ANTXR1: variants seen among roughly 807,000 people sequenced by gnomAD.
ANTXR1 encodes the protein anthrax toxin receptor 1.
In ANTXR1, 19 loss-of-function variants were observed where a neutral mutation model predicts 78.1. The observed-to-expected ratio is 0.24, with a 90% CI of 0.17 to 0.36. ANTXR1 has a LOEUF of 0.36. Among genes scored for constraint, ANTXR1 ranks in the 10% least tolerant of loss-of-function variants. The pLI, the probability that ANTXR1 is intolerant of heterozygous loss-of-function variation, is 1.00. For missense variants in ANTXR1, 518 were observed against 718.6 expected (o/e 0.72, Z 3.19); for synonymous variants, 273 against 260.5 (o/e 1.05, Z -0.46).
intron 14 of ANTXR1, chr2:69,172,241 G>A: frequency 1.4e-6 from 1 of 724,102 alleles, no homozygotes; most frequent in South Asian, 1.7e-5. Flanking sequence ...GGAGACCTAG[G>A]CAATAAAAAT....
intron 13 of ANTXR1, among the ~76,000 whole-genome samples, chr2:69,158,430 C>T (rs1673587245): frequency 6.6e-6 from 1 of 152,224 alleles, no homozygotes; most frequent in South Asian, 2.1e-4. Context: ...GGATCAGCTG[C>T]TATCTCACTT....
chr2:69,039,474 T>A (rs1323066233), intron 1 of ANTXR1, among the ~76,000 whole-genome samples: 2 of 152,206 alleles, frequency 1.3e-5, no homozygotes, highest in African/African-American at 4.8e-5. Context: ...AAATTAGATT[T>A]CCTTAAGTGT....
chr2:69,107,633 A>C (rs892220794), intron 10 of ANTXR1, among the ~76,000 whole-genome samples: 4 of 152,234 alleles, frequency 2.6e-5, no homozygotes, highest in African/African-American at 7.2e-5. Context: ...ACAATATTTG[A>C]GATCAAGCTC....
chr2:69,046,230 T>A (rs776482317), intron 3 of ANTXR1, among the ~76,000 whole-genome samples: 8 of 152,092 alleles, frequency 5.3e-5, no homozygotes, highest in Admixed American at 2.0e-4. Flanking sequence ...TGCATAAGAG[T>A]TTGGCCAAGA....
chr2:69,190,030 A>G (rs561593809), intron 16 of ANTXR1, among the ~76,000 whole-genome samples: 3 of 152,278 alleles, frequency 2.0e-5, no homozygotes, highest in Admixed American at 6.5e-5. Context: ...AGACTAGATG[A>G]GAGCACTCAG....
At chr2:69,058,671 T>A (rs114803838) in intron 3 of ANTXR1, among the ~76,000 whole-genome samples, 5,716 of 152,268 alleles carry the variant, frequency 0.038, 131 homozygotes, top group Middle Eastern at 0.12. Context: ...CTGTAGCCCA[T>A]GGATCAGGGA....
chr2:69,101,141 G>A (rs1285134398), intron 9 of ANTXR1, among the ~76,000 whole-genome samples: 2 of 152,200 alleles, frequency 1.3e-5, no homozygotes, highest in African/African-American at 2.4e-5. Context: ...TGTGGCACAT[G>A]TAGTGTCTCT....
In ANTXR1 at chr2:69,193,456, C is replaced by G. The variant is rs745760583; in HGVS notation, c.1434+41C>G. ...TCATTAATGGTGTCTCTCTCTCTCT[C>G]TCTCACATACACACACACACACACA... On this transcript the variant is annotated intron_variant, in intron 17 of 17. Coordinates refer to ENST00000303714, the MANE Select transcript of ANTXR1 (RefSeq NM_032208.3). The G allele has an allele frequency of 1.2e-4, 156 of 1,306,436 alleles. 1 individual carries two copies. The South Asian group carries it at 1.9e-3, about 16-fold the overall frequency. The allele number at this position is 1,306,436 out of a possible 1,614,324, so 80.9% of individuals were successfully genotyped here. A position where few individuals can be genotyped will look rare whatever the true frequency, so the allele number is the denominator to read the frequency against.
At chr2:69,015,321 A>G (rs1378536712) in intron 1 of ANTXR1, among the ~76,000 whole-genome samples, 1 of 151,972 alleles carries the variant, frequency 6.6e-6, no homozygotes, top group Non-Finnish European at 1.5e-5. Flanking sequence ...TTGGAAAAGA[A>G]TAATGAAGCC....
chr2:69,149,168 A>G lies in ANTXR1; in HGVS notation c.952-3001A>G, dbSNP rs1242870484. Among the ~76,000 whole-genome samples the G allele has an allele frequency of 2.0e-5, 3 of 152,222 alleles. No homozygotes were observed. In the East Asian group the frequency reaches 5.8e-4, roughly 29 times the overall value. On this transcript the variant is annotated intron_variant, in intron 12 of 17. Transcript: ENST00000303714. The stretch of plus-strand genomic sequence containing the variant: ...CTTCAGAGGAGGATAAAGTTCCTCA[A>G]GAAGTGTCTGCCCCTGTGCATTTCC...
At chr2:69,204,118 C>G (rs1329576630) in intron 17 of ANTXR1, among the ~76,000 whole-genome samples, 1 of 152,160 alleles carries the variant, frequency 6.6e-6, no homozygotes, top group Non-Finnish European at 1.5e-5. Flanking sequence ...CGGGCCTGCT[C>G]CTCCAGCTGA....
chr2:69,166,341 C>T (rs1673827895), intron 13 of ANTXR1, among the ~76,000 whole-genome samples: 1 of 152,136 alleles, frequency 6.6e-6, no homozygotes, highest in African/African-American at 2.4e-5. Context: ...GATGCATCTC[C>T]CAACACACAG....
At chr2:69,032,524 C>A (rs1353018025) in intron 1 of ANTXR1, among the ~76,000 whole-genome samples, 1 of 152,130 alleles carries the variant, frequency 6.6e-6, no homozygotes, top group Non-Finnish European at 1.5e-5. Flanking sequence ...TTGACCCATC[C>A]CCCTTTGATC....
intron 13 of ANTXR1, among the ~76,000 whole-genome samples, chr2:69,167,252 T>G (rs1673852746): frequency 6.6e-6 from 1 of 152,206 alleles, no homozygotes; most frequent in Non-Finnish European, 1.5e-5. Flanking sequence ...TGGGAAGCCA[T>G]TAGCAGGGGT....
chr2:69,014,799 C>G (rs967670912), intron 1 of ANTXR1, among the ~76,000 whole-genome samples: 2 of 152,184 alleles, frequency 1.3e-5, no homozygotes, highest in Non-Finnish European at 2.9e-5. Context: ...ACCAAATGTG[C>G]TTTGCAGTTG....
chr2:69,172,996 CGGTTTT>C (rs1249537460), intron 14 of ANTXR1, among the ~76,000 whole-genome samples: 2 of 152,168 alleles, frequency 1.3e-5, no homozygotes, highest in African/African-American at 4.8e-5. Flanking sequence ...CTTCATGTGA[CGGTTTT>C]GTTCTGCATG....
intron 10 of ANTXR1, among the ~76,000 whole-genome samples, chr2:69,105,643 A>C (rs373511458): frequency 1.3e-5 from 2 of 152,246 alleles, no homozygotes; most frequent in African/African-American, 4.8e-5. Context: ...CCTGTAAAAT[A>C]AAATACACTT....
rs145528229 is a variant in ANTXR1, at chr2:69,096,404, G to A, written c.703+5485G>A. 1.7e-3 allele frequency among the ~76,000 whole-genome samples: 241 copies of A among 139,300 alleles called. 21 individuals are homozygous for A. The highest frequency in any genetic ancestry group is 6.3e-3 in the African/African-American group (226 of 35,894). 91.4% of individuals were successfully genotyped at this position (139,300 alleles called of 152,430 possible). A position where few individuals can be genotyped will look rare whatever the true frequency, so the allele number is the denominator to read the frequency against. On this transcript the variant is annotated intron_variant, in intron 9 of 17. Transcript: ENST00000303714. ...GGGAAGGAAGGAAGGAAGGAAGGAA[G>A]GAAATCAAAAAGAATTCCAATCACT...
intron 17 of ANTXR1, among the ~76,000 whole-genome samples, chr2:69,214,895 G>A (rs1465175198): frequency 2.6e-5 from 4 of 152,154 alleles, no homozygotes; most frequent in Non-Finnish European, 5.9e-5. Context: ...GTGTTTGCTT[G>A]TGGTGCTTTC....
Sources: allele counts gnomAD v4.1 joint callset (sites outside exome capture counted in the v4.1 genomes callset), GRCh38; gene constraint gnomAD v4.1.1; transcripts MANE v1.5; gene names NCBI Gene and HGNC (gene_info 2026-07-23, HGNC 2026-07-21).